The following PDE6A variants were observed in gnomAD, a reference collection of about 807,000 sequenced individuals.
PDE6A encodes phosphodiesterase 6A, also known as rod cGMP-specific 3',5'-cyclic phosphodiesterase subunit alpha.
A neutral mutation model predicts 106.3 loss-of-function variants in PDE6A; 84 were observed. The observed-to-expected ratio is 0.79, with a 90% CI of 0.66 to 0.95. The LOEUF (loss-of-function observed/expected upper bound fraction) is 0.95, where lower values mean the gene tolerates loss of function less well. Among genes scored for constraint, PDE6A ranks in the 40% least tolerant of loss-of-function variants. The pLI, the probability that PDE6A is intolerant of heterozygous loss-of-function variation, is 0.00. For missense variants in PDE6A, 1,052 were observed against 1,084.9 expected (o/e 0.97, Z 0.43); for synonymous variants, 394 against 386.6 (o/e 1.02, Z -0.23).
rs200518176 is a variant in PDE6A, at chr5:149,895,193, G to T, written c.1718C>A (p.Ser573Tyr). The change falls in exon 13 of 22, where the codon TCC becomes TAC. Residue 573 changes from serine to tyrosine, a missense_variant. By Grantham distance (144) the Ser-to-Tyr change is moderately radical. Around this residue, in one of 3 missense-constraint regions of PDE6A, gnomAD observed 913 missense variants for 915.2 expected, o/e 1.00. Coordinates refer to ENST00000255266, the MANE Select transcript of PDE6A (RefSeq NM_000440.3). ...CCGGCCCCGCCATACCACCAGCAGG[G>T]AGAACATGGTCTGCCCCACGTTGAA... Reference protein sequence around the residue: ...HGFNVGQTMFSLLVTGKLKRY... With the variant: ...HGFNVGQTMFYLLVTGKLKRY... 4.3e-6 allele frequency: 7 copies of T among 1,612,350 alleles called. No homozygotes were observed. The East Asian group carries it at 1.3e-4, about 31-fold the overall frequency.
chr5:149,905,655 T>C (rs1160450412), intron 7 of PDE6A, among the ~76,000 whole-genome samples: 1 of 152,148 alleles, frequency 6.6e-6, no homozygotes, highest in Non-Finnish European at 1.5e-5. Flanking sequence ...GTCAAAGTTG[T>C]TGTGAGTATT....
At chr5:149,922,286 A>T (rs532618254) in intron 4 of PDE6A, among the ~76,000 whole-genome samples, 73 of 149,482 alleles carry the variant, frequency 4.9e-4, no homozygotes, top group Non-Finnish European at 9.0e-4. Context: ...TCATGAATAC[A>T]TTTACAACAA....
chr5:149,884,239 G>T (rs371114886), intron 16 of PDE6A, among the ~76,000 whole-genome samples: 51 of 137,566 alleles, frequency 3.7e-4, no homozygotes, highest in Admixed American at 2.8e-3. Flanking sequence ...TATATGTGTA[G>T]ATATATGTGT....
Position 149,936,291 on chromosome 5 carries a change from C to T in PDE6A, c.475-1573G>A, listed in dbSNP as rs575861531. 5.3e-5 allele frequency among the ~76,000 whole-genome samples: 8 copies of T among 152,242 alleles called. No individual in the cohort carries two copies. In the South Asian group the frequency reaches 1.7e-3, roughly 32 times the overall value. Reference sequence around the variant, plus strand: ...GTCAACAGCATTATTATCAGTGAAGCTGTTTAAAACCAGGTGAAGGGTAAA... The same window carrying T: ...GTCAACAGCATTATTATCAGTGAAGTTGTTTAAAACCAGGTGAAGGGTAAA... On this transcript the variant is annotated intron_variant, in intron 1 of 21. Transcript: ENST00000255266.
At chr5:149,872,260 T>C (rs1760587761) in intron 17 of PDE6A, among the ~76,000 whole-genome samples, 1 of 152,228 alleles carries the variant, frequency 6.6e-6, no homozygotes, top group African/African-American at 2.4e-5. Context: ...TCATGTTAGG[T>C]TGGATCCTAT....
At chr5:149,926,932 C>G (rs1189967156) in intron 4 of PDE6A, among the ~76,000 whole-genome samples, 1 of 142,564 alleles carries the variant, frequency 7.0e-6, no homozygotes, top group Non-Finnish European at 1.5e-5. Context: ...GAGCTGAGAT[C>G]GTGCCATTGC....
rs201406216 is a variant in PDE6A, at chr5:149,931,033, G to T, written c.853C>A (p.Gln285Lys). The T allele has an allele frequency of 1.1e-4, 180 of 1,613,824 alleles. No homozygotes were observed. Among genetic ancestry groups the T allele is most frequent in the Admixed American group, 3.8e-4 (23 of 59,986 alleles). ...YSVGLLDMTK[Q>K]KEFFDVWPVL... The stretch of plus-strand genomic sequence containing the variant: ...TGTTGCTGAAGTTTTCTCACCTTCT[G>T]CTTGGTCATGTCTAAGAGACCCACA... Residue 285 changes from glutamine to lysine, a missense_variant, in exon 4 of 22, where the codon CAG becomes AAG. Gln to Lys is a moderately conservative substitution (Grantham distance 53, BLOSUM62 1). Around this residue, in one of 3 missense-constraint regions of PDE6A, gnomAD observed 913 missense variants for 915.2 expected, o/e 1.00. Transcript: ENST00000255266.
chr5:149,891,187 G>A (rs1272803510), intron 13 of PDE6A, among the ~76,000 whole-genome samples: 1 of 152,164 alleles, frequency 6.6e-6, no homozygotes, highest in East Asian at 1.9e-4. Context: ...TTGCTAAAAT[G>A]GGCTGGGTGC....
At chr5:149,907,221 C>A (rs1753225706) in intron 7 of PDE6A, 91 bp downstream of exon 7, 9 of 1,004,072 alleles carry the variant, frequency 9.0e-6, no homozygotes, top group Non-Finnish European at 1.4e-5. Context: ...CACTTGCCAT[C>A]ATCTTTTCCA....
intron 14 of PDE6A, among the ~76,000 whole-genome samples, chr5:149,885,831 T>C (rs1752272843): frequency 6.6e-6 from 1 of 152,246 alleles, no homozygotes; most frequent in South Asian, 2.1e-4. Flanking sequence ...ATCCGTTTCC[T>C]TGCTCTTTTG....
At chr5:149,870,771 C>CAA (rs3078093) in intron 17 of PDE6A, among the ~76,000 whole-genome samples, 1,099 of 64,344 alleles carry the variant, frequency 0.017, 30 homozygotes, top group Middle Eastern at 0.024. Flanking sequence ...GAACACAGGG[C>CAA]AAAAAAAAAA....
chr5:149,928,123 T>C (rs971714552), intron 4 of PDE6A, among the ~76,000 whole-genome samples: 2 of 148,974 alleles, frequency 1.3e-5, no homozygotes, highest in Non-Finnish European at 3.0e-5. Context: ...AAAAAAGTTG[T>C]AGTATAGTAA....
At chr5:149,905,946 C>A (rs1206746558) in intron 7 of PDE6A, among the ~76,000 whole-genome samples, 2 of 152,150 alleles carry the variant, frequency 1.3e-5, no homozygotes, top group Admixed American at 6.5e-5. Context: ...CAGCCTGGAA[C>A]TCCTGGGCTC....
At chr5:149,919,816 G>T (rs1353203562) in intron 5 of PDE6A, among the ~76,000 whole-genome samples, 1 of 151,858 alleles carries the variant, frequency 6.6e-6, no homozygotes, top group Admixed American at 6.6e-5. Flanking sequence ...TTTTTTCCAT[G>T]AAGGCTTTTT....
At position 149,923,978 on chromosome 5, in the gene PDE6A, A is replaced by G. The variant is rs370911411; in HGVS notation, c.859-2269T>C. On this transcript the variant is annotated intron_variant, in intron 4 of 21. Coordinates refer to ENST00000255266, the MANE Select transcript of PDE6A (RefSeq NM_000440.3). ...GGAAGCCACATGAAATGCAGAGTCC[A>G]TGTTTTTGCCCTTCTCCCCAGTTGA... Among the ~76,000 whole-genome samples the G allele has an allele frequency of 9.2e-5, 14 of 152,312 alleles. 1 individual carries two copies. The highest frequency in any genetic ancestry group is 3.4e-4 in the African/African-American group (14 of 41,584).
intron 6 of PDE6A, among the ~76,000 whole-genome samples, chr5:149,909,950 T>C (rs915409073): frequency 6.6e-6 from 1 of 152,222 alleles, no homozygotes; most frequent in African/African-American, 2.4e-5. Context: ...TTAAATTCAT[T>C]AATTGGATTA....
intron 13 of PDE6A, among the ~76,000 whole-genome samples, chr5:149,888,975 C>T (rs1003149507): frequency 1.3e-5 from 2 of 149,448 alleles, no homozygotes; most frequent in Non-Finnish European, 3.0e-5. Context: ...CCCAGCTACT[C>T]GGGAGGCTGA....
Position 149,932,582 on chromosome 5 carries a change from T to G in PDE6A, c.717+1348A>C, listed in dbSNP as rs568392313. 213 of 1,578,920 alleles carry G rather than the reference T, an allele frequency of 1.3e-4. 2 individuals are homozygous for G. In the South Asian group the frequency reaches 2.2e-3, roughly 16 times the overall value. On this transcript the variant is annotated intron_variant, in intron 3 of 21. Coordinates refer to ENST00000255266, the MANE Select transcript of PDE6A (RefSeq NM_000440.3). ...GTTCCAGGTTGGCGTTTGGCGGTGC[T>G]ACTTTTAACTTTTCTGGGACCCTCA...
intron 20 of PDE6A, among the ~76,000 whole-genome samples, chr5:149,865,452 A>G (rs573486203): frequency 1.3e-5 from 2 of 152,090 alleles, no homozygotes; most frequent in African/African-American, 4.8e-5. Context: ...TCCTCAATGA[A>G]AAAAAAGAAA....
Sources: gnomAD v4.1 joint callset for allele counts (sites outside exome capture counted in the v4.1 genomes callset) on GRCh38, gnomAD v4.1.1 for gene constraint, gnomAD v4.1.1 regional missense constraint, MANE v1.5 for transcripts, NCBI Gene and HGNC (gene_info 2026-07-23, HGNC 2026-07-21) for gene names.